MAP3K13: variants seen among roughly 807,000 people sequenced by gnomAD.
MAP3K13 encodes the protein leucine zipper-bearing kinase.
In MAP3K13, 52 loss-of-function variants were observed where a neutral mutation model predicts 104.0. That is an observed-to-expected ratio of 0.50 (90% CI 0.40 to 0.63). The LOEUF is 0.63. MAP3K13 is among the 20% of genes least tolerant of loss of function. The pLI is 0.00. For synonymous variants in MAP3K13, 394 were observed against 442.2 expected (o/e 0.89, Z 1.37); for missense variants, 914 against 1,218.5 (o/e 0.75, Z 3.72).
At chr3:185,387,988 T>C (rs1434780955) in intron 1 of MAP3K13, among the ~76,000 whole-genome samples, 2 of 151,966 alleles carry the variant, frequency 1.3e-5, no homozygotes, top group Non-Finnish European at 2.9e-5. Context: ...AAAATCAACA[T>C]ACATGAGACA....
intron 1 of MAP3K13, among the ~76,000 whole-genome samples, chr3:185,407,126 G>A (rs554867402): frequency 7.9e-5 from 12 of 152,234 alleles, no homozygotes; most frequent in Admixed American, 5.2e-4. Context: ...AGTAAATGAC[G>A]GAAATTGTAC....
intron 2 of MAP3K13, among the ~76,000 whole-genome samples, chr3:185,324,697 C>T (rs1721987272): frequency 6.6e-6 from 1 of 151,976 alleles, no homozygotes; most frequent in Admixed American, 6.6e-5. Context: ...ATGTCATTTC[C>T]TCCATTTGTG....
chr3:185,453,266 CACTT>C (rs1447587324), intron 7 of MAP3K13, among the ~76,000 whole-genome samples: 2 of 152,158 alleles, frequency 1.3e-5, no homozygotes, highest in Non-Finnish European at 2.9e-5. Flanking sequence ...AGCTTTATCT[CACTT>C]AATGTTATTG....
At chr3:185,297,192 A>C (rs1412503742) in intron 2 of MAP3K13, among the ~76,000 whole-genome samples, 1 of 152,214 alleles carries the variant, frequency 6.6e-6, no homozygotes, top group Non-Finnish European at 1.5e-5. Context: ...TAAAATGTAC[A>C]CAGTCTGTCC....
intron 4 of MAP3K13, among the ~76,000 whole-genome samples, chr3:185,447,109 T>C (rs1468605980): frequency 6.6e-6 from 1 of 151,992 alleles, no homozygotes; most frequent in Non-Finnish European, 1.5e-5. Flanking sequence ...GTGAAAAAAA[T>C]ATAAACTGGT....
intron 10 of MAP3K13, among the ~76,000 whole-genome samples, chr3:185,471,409 T>C (rs1385641976): frequency 6.9e-6 from 1 of 144,942 alleles, no homozygotes; most frequent in Non-Finnish European, 1.5e-5. Flanking sequence ...GCCCCCAAAG[T>C]GCTGGGATTA....
chr3:185,462,304 T>C (rs1010174702), intron 7 of MAP3K13, among the ~76,000 whole-genome samples: 59 of 152,332 alleles, frequency 3.9e-4, no homozygotes, highest in African/African-American at 1.3e-3. Flanking sequence ...TCATGCCCTG[T>C]GGAAAGCTCA....
intron 1 of MAP3K13, among the ~76,000 whole-genome samples, chr3:185,383,960 ATCT>A (rs1397564734): frequency 6.6e-6 from 1 of 152,172 alleles, no homozygotes; most frequent in African/African-American, 2.4e-5. Context: ...AACATTTCAA[ATCT>A]TCTTTTAGCT....
chr3:185,361,470 G>C (rs1170047642), upstream of MAP3K13, among the ~76,000 whole-genome samples: 3 of 150,164 alleles, frequency 2.0e-5, no homozygotes, highest in Non-Finnish European at 3.0e-5. Flanking sequence ...GCAAGATCTC[G>C]GCTCACTGCA....
At chr3:185,319,335 A>G (rs755380241) in intron 2 of MAP3K13, among the ~76,000 whole-genome samples, 2 of 152,250 alleles carry the variant, frequency 1.3e-5, no homozygotes, top group Non-Finnish European at 2.9e-5. Context: ...GTTTGTATCT[A>G]CCGCATATAT....
At chr3:185,357,354 A>G (rs1723404109) in intron 2 of MAP3K13, among the ~76,000 whole-genome samples, 2 of 150,858 alleles carry the variant, frequency 1.3e-5, no homozygotes, top group African/African-American at 4.9e-5. Context: ...AGGCTGAGGC[A>G]GGAGAATTGC....
At chr3:185,415,352 T>C (rs940178879) in intron 1 of MAP3K13, among the ~76,000 whole-genome samples, 1 of 151,362 alleles carries the variant, frequency 6.6e-6, no homozygotes, top group Non-Finnish European at 1.5e-5. Flanking sequence ...GAGATGGGGT[T>C]TTCTCATGTT....
intron 2 of MAP3K13, among the ~76,000 whole-genome samples, chr3:185,326,344 C>T (rs1238681929): frequency 2.0e-5 from 3 of 152,118 alleles, no homozygotes; most frequent in Non-Finnish European, 4.4e-5. Context: ...CCCACCACGC[C>T]CCCAGGATTT....
At chr3:185,459,151 C>T (rs954170201) in intron 7 of MAP3K13, among the ~76,000 whole-genome samples, 1 of 152,094 alleles carries the variant, frequency 6.6e-6, no homozygotes, top group Non-Finnish European at 1.5e-5. Context: ...CGGAGACACC[C>T]CAACTGTGAG....
intron 1 of MAP3K13, among the ~76,000 whole-genome samples, chr3:185,284,233 A>G (rs1045725021): frequency 1.3e-5 from 2 of 152,124 alleles, no homozygotes; most frequent in South Asian, 2.1e-4. Context: ...AAAATATGTT[A>G]TAATTGAGAA....
intron 1 of MAP3K13, among the ~76,000 whole-genome samples, chr3:185,382,103 G>T (rs973254523): frequency 6.6e-6 from 1 of 152,190 alleles, no homozygotes; most frequent in Non-Finnish European, 1.5e-5. Context: ...CCTCCCAGTA[G>T]ATACCTGAAA....
chr3:185,451,929 C>G (rs927327250), intron 7 of MAP3K13, among the ~76,000 whole-genome samples: 2 of 151,100 alleles, frequency 1.3e-5, no homozygotes, highest in Non-Finnish European at 2.9e-5. Context: ...GAATATTATC[C>G]TTATAGTGGC....
At chr3:185,317,012 T>G (rs897517261) in intron 2 of MAP3K13, among the ~76,000 whole-genome samples, 8 of 152,200 alleles carry the variant, frequency 5.3e-5, no homozygotes, top group Admixed American at 3.9e-4. Flanking sequence ...TATTGAAATA[T>G]TCTAGGAAAA....
At chr3:185,424,279 A>ATG (rs1714293493) in intron 1 of MAP3K13, among the ~76,000 whole-genome samples, 2 of 152,224 alleles carry the variant, frequency 1.3e-5, no homozygotes, top group Non-Finnish European at 2.9e-5. Flanking sequence ...AGGGATCAAA[A>ATG]ACTTAGATCA....
Sources: allele counts gnomAD v4.1 joint callset (sites outside exome capture counted in the v4.1 genomes callset), GRCh38; gene constraint gnomAD v4.1.1; transcripts MANE v1.5; gene names NCBI Gene and HGNC (gene_info 2026-07-23, HGNC 2026-07-21).